The following XKR6 variants were observed in gnomAD, a reference collection of about 807,000 sequenced individuals.
XKR6 encodes XK-related protein 6.
In XKR6, 22 loss-of-function variants were observed where a neutral mutation model predicts 56.7. The observed-to-expected ratio is 0.39, with a 90% CI of 0.28 to 0.55. The LOEUF (loss-of-function observed/expected upper bound fraction) is 0.55, where lower values mean the gene tolerates loss of function less well. Ranked by LOEUF, XKR6 falls within the 20% of genes least tolerant of loss-of-function variation. The probability of loss-of-function intolerance (pLI) is 0.66; values close to 1 mark genes in which losing one functional copy is unlikely to be tolerated. For missense variants in XKR6, 852 were observed against 889.0 expected (o/e 0.96, Z 0.53); for synonymous variants, 524 against 387.8 (o/e 1.35, Z -4.13).
At chr8:11,008,977 G>A (rs533279813) in intron 1 of XKR6, among the ~76,000 whole-genome samples, 1 of 152,122 alleles carries the variant, frequency 6.6e-6, no homozygotes, top group Admixed American at 6.5e-5. Context: ...AGGACCTGAA[G>A]GATCCTTTCC....
intron 1 of XKR6, among the ~76,000 whole-genome samples, chr8:10,965,080 C>A (rs1802177669): frequency 6.6e-6 from 1 of 152,248 alleles, no homozygotes; most frequent in African/African-American, 2.4e-5. Context: ...GCTTGTTGGG[C>A]TCTCAGCTTA....
intron 1 of XKR6, among the ~76,000 whole-genome samples, chr8:10,998,540 T>C (rs941382657): frequency 2.6e-5 from 4 of 152,172 alleles, no homozygotes; most frequent in African/African-American, 9.6e-5. Flanking sequence ...TCAGATTTAT[T>C]AGGAGTGGTA....
rs561226306 is a variant in XKR6, at chr8:11,025,538, T to C, written c.765-100708A>G. Among the ~76,000 whole-genome samples the C allele has an allele frequency of 7.2e-5, 11 of 152,194 alleles. No individual in the cohort carries two copies. In the South Asian group the frequency reaches 2.1e-3, roughly 29 times the overall value. On this transcript the variant is annotated intron_variant, in intron 1 of 2. Transcript: ENST00000416569. ...TAGAGTGGGGGCGGCCTGGGGGAGA[T>C]GGAAATTCACACAACTAATGCCAGG...
intron 1 of XKR6, among the ~76,000 whole-genome samples, chr8:11,037,318 C>T (rs1001137662): frequency 4.6e-5 from 7 of 152,290 alleles, no homozygotes; most frequent in South Asian, 2.1e-4. Flanking sequence ...CTTCACCTCC[C>T]GGGCTCAAGC....
At chr8:10,953,643 T>G (rs1333679535) in intron 1 of XKR6, among the ~76,000 whole-genome samples, 3 of 152,238 alleles carry the variant, frequency 2.0e-5, no homozygotes, top group Admixed American at 6.5e-5. Context: ...ATTCATCTTA[T>G]TTTACAAGTG....
intron 2 of XKR6, among the ~76,000 whole-genome samples, chr8:10,906,163 T>C (rs1800184551): frequency 6.6e-6 from 1 of 152,204 alleles, no homozygotes; most frequent in African/African-American, 2.4e-5. Flanking sequence ...GTAGGCTGCC[T>C]GATGTCATGT....
intron 1 of XKR6, among the ~76,000 whole-genome samples, chr8:10,928,537 GGCTGC>G: frequency 6.6e-6 from 1 of 152,334 alleles, no homozygotes; most frequent in Non-Finnish European, 1.5e-5. Flanking sequence ...TGACCTCTGA[GGCTGC>G]GCTGCCAGCC....
chr8:11,143,921 G>A (rs1002080392), intron 1 of XKR6, among the ~76,000 whole-genome samples: 3 of 152,150 alleles, frequency 2.0e-5, no homozygotes, highest in Admixed American at 6.5e-5. Context: ...GTTTTCTCCT[G>A]AAGTCTCTTT....
intron 1 of XKR6, among the ~76,000 whole-genome samples, chr8:11,026,201 A>G (rs1798857818): frequency 6.6e-6 from 1 of 151,920 alleles, no homozygotes; most frequent in Admixed American, 6.6e-5. Flanking sequence ...TAGATGGTCT[A>G]GCCTACTACA....
At chr8:11,056,602 G>C (rs1371944234) in intron 1 of XKR6, among the ~76,000 whole-genome samples, 1 of 152,198 alleles carries the variant, frequency 6.6e-6, no homozygotes, top group African/African-American at 2.4e-5. Context: ...CCCGGAACTG[G>C]GGAAGGGCAG....
intron 1 of XKR6, among the ~76,000 whole-genome samples, chr8:11,104,193 T>C (rs1328796522): frequency 1.3e-5 from 2 of 152,212 alleles, no homozygotes; most frequent in African/African-American, 4.8e-5. Flanking sequence ...TAATGAGCAA[T>C]TCAGCACGAG....
At chr8:11,016,734 C>A (rs932736226) in intron 1 of XKR6, among the ~76,000 whole-genome samples, 2 of 152,198 alleles carry the variant, frequency 1.3e-5, no homozygotes, top group Non-Finnish European at 1.5e-5. Context: ...TCCTGGCCTG[C>A]GCTTGCTCCC....
At chr8:11,199,187 A>G (rs1236286654) in intron 1 of XKR6, among the ~76,000 whole-genome samples, 1 of 152,264 alleles carries the variant, frequency 6.6e-6, no homozygotes, top group African/African-American at 2.4e-5. Context: ...TAGAAAGGCT[A>G]GTAAACAACT....
chr8:11,124,314 C>T (rs1490874638), intron 1 of XKR6: 1 of 334,398 alleles, frequency 3.0e-6, no homozygotes, highest in Admixed American at 4.1e-5. Flanking sequence ...TTCATTTCTA[C>T]TGGACTCTTG....
chr8:11,129,483 C>A (rs1310078999), intron 1 of XKR6, among the ~76,000 whole-genome samples: 2 of 152,144 alleles, frequency 1.3e-5, no homozygotes, highest in African/African-American at 4.8e-5. Context: ...CAGTGGAGAG[C>A]TGCTCTCCAC....
intron 1 of XKR6, among the ~76,000 whole-genome samples, chr8:11,036,005 G>A (rs1799134051): frequency 1.4e-5 from 2 of 141,530 alleles, no homozygotes; most frequent in African/African-American, 5.4e-5. Flanking sequence ...GTGCAGTGGT[G>A]CAGTCACAAC....
At chr8:10,967,789 G>A (rs1170488596) in intron 1 of XKR6, among the ~76,000 whole-genome samples, 1 of 152,208 alleles carries the variant, frequency 6.6e-6, no homozygotes, top group Non-Finnish European at 1.5e-5. Context: ...TTTCCAGGAG[G>A]CTCCTGCTCC....
rs531104224 is a variant in XKR6 at position 11,026,767 on chromosome 8, T to C, written c.765-101937A>G. Among the ~76,000 whole-genome samples, 3 of 151,926 alleles carry C rather than the reference T, an allele frequency of 2.0e-5. No homozygotes were observed. The South Asian group carries it at 6.3e-4, about 32-fold the overall frequency. ...TGGTCTAGCCTACTACACATCTAGA[T>C]AGCCTAACCTACTACACACCTAGAT... On this transcript the variant is annotated intron_variant, in intron 1 of 2. Coordinates refer to ENST00000416569, the MANE Select transcript of XKR6 (RefSeq NM_173683.4).
At chr8:10,932,658 G>C (rs910547820) in intron 1 of XKR6, among the ~76,000 whole-genome samples, 1 of 134,694 alleles carries the variant, frequency 7.4e-6, no homozygotes, top group Non-Finnish European at 1.6e-5. Flanking sequence ...TCCCACCTAT[G>C]AGTGAGAATA....
Sources: allele counts gnomAD v4.1 joint callset (sites outside exome capture counted in the v4.1 genomes callset), GRCh38; gene constraint gnomAD v4.1.1; transcripts MANE v1.5; gene names NCBI Gene and HGNC (gene_info 2026-07-23, HGNC 2026-07-21).